ROBO1: variants seen among roughly 807,000 people sequenced by gnomAD.
ROBO1 encodes roundabout homolog 1.
In ROBO1, 149 loss-of-function variants were observed where a neutral mutation model predicts 195.9. That is an observed-to-expected ratio of 0.76 (90% confidence interval 0.67 to 0.87). ROBO1 has a LOEUF of 0.87. ROBO1 is among the 40% of genes least tolerant of loss of function. The pLI, the probability that ROBO1 is intolerant of heterozygous loss-of-function variation, is 0.00. For missense variants in ROBO1, 1,933 were observed against 2,068.3 expected, an observed-to-expected ratio of 0.93 and a Z score of 1.27; for synonymous variants, 816 against 733.2, an observed-to-expected ratio of 1.11 and a Z score of -1.82.
intron 3 of ROBO1, 30 bp from the exon 4 acceptor site, chr3:78,938,957 A>G (rs749994870): frequency 1.3e-6 from 2 of 1,551,290 alleles, no homozygotes; most frequent in South Asian, 1.2e-5. Flanking sequence ...ATATCTTCGT[A>G]TATCACTTGA....
rs376279972 is a variant in ROBO1, at chr3:79,660,994, C to T, written c.-50-71033G>A. 1.1e-4 allele frequency among the ~76,000 whole-genome samples: 17 copies of T among 152,226 alleles called. No individual in the cohort carries two copies. The South Asian group carries it at 2.9e-3, about 26-fold the overall frequency. ...GCCTTCTAATTTCCCTCTTGGAAGA[C>T]AGCCCCTCAGAAATCCTAAAGGGCC... On this transcript the variant is annotated intron_variant, in intron 1 of 30. Transcript: ENST00000464233.
intron 3 of ROBO1, among the ~76,000 whole-genome samples, chr3:79,071,088 ACT>A (rs1394286766): frequency 2.0e-5 from 3 of 151,314 alleles, no homozygotes; most frequent in Non-Finnish European, 4.4e-5. Flanking sequence ...TTTAACATCT[ACT>A]CTCTCAGCAA....
intron 4 of ROBO1, among the ~76,000 whole-genome samples, chr3:78,884,016 T>C (rs2036347917): frequency 6.6e-6 from 1 of 152,152 alleles, no homozygotes; most frequent in Non-Finnish European, 1.5e-5. Context: ...AGTTTTGGAC[T>C]GCAAGTGAAC....
At chr3:79,237,873 A>C (rs2082442369) in intron 2 of ROBO1, among the ~76,000 whole-genome samples, 2 of 152,210 alleles carry the variant, frequency 1.3e-5, no homozygotes, top group Non-Finnish European at 2.9e-5. Context: ...AATTATGACC[A>C]AAAAGGAACA....
chr3:79,323,255 T>C (rs2109137532), intron 2 of ROBO1, among the ~76,000 whole-genome samples: 1 of 152,226 alleles, frequency 6.6e-6, no homozygotes, highest in South Asian at 2.1e-4. Flanking sequence ...CTAATTTTTG[T>C]ATTTTTAGTA....
At chr3:78,803,897 A>G (rs1209041229) in intron 4 of ROBO1, among the ~76,000 whole-genome samples, 4 of 152,196 alleles carry the variant, frequency 2.6e-5, no homozygotes, top group African/African-American at 9.6e-5. Context: ...ATGTATGTGT[A>G]TATTATAAAA....
intron 2 of ROBO1, among the ~76,000 whole-genome samples, chr3:79,518,290 T>C (rs1188383042): frequency 6.6e-6 from 1 of 151,496 alleles, no homozygotes; most frequent in East Asian, 1.9e-4. Context: ...GGGTAAGGCA[T>C]GTTAAGAAGA....
intron 9 of ROBO1, among the ~76,000 whole-genome samples, chr3:78,686,747 A>T (rs2081061012): frequency 6.6e-6 from 1 of 152,190 alleles, no homozygotes; most frequent in Non-Finnish European, 1.5e-5. Flanking sequence ...TTGGCACCAC[A>T]ATAAGCATCT....
At chr3:79,184,635 T>C (rs1009577379) in intron 2 of ROBO1, among the ~76,000 whole-genome samples, 5 of 152,062 alleles carry the variant, frequency 3.3e-5, no homozygotes, top group African/African-American at 9.7e-5. Flanking sequence ...ATGACCAAGA[T>C]TGGGGAAGAG....
At chr3:78,998,946 G>A (rs2077431559) in intron 3 of ROBO1, among the ~76,000 whole-genome samples, 1 of 151,848 alleles carries the variant, frequency 6.6e-6, no homozygotes. Context: ...ATATACAAGT[G>A]GCCAGGAAAA....
chr3:79,195,299 A>G (rs1183710376), intron 2 of ROBO1, among the ~76,000 whole-genome samples: 1 of 151,740 alleles, frequency 6.6e-6, no homozygotes, highest in Non-Finnish European at 1.5e-5. Flanking sequence ...GTATTCAGTT[A>G]TCAGTAGCTG....
chr3:79,696,674 A>G (rs1410492085), intron 1 of ROBO1, among the ~76,000 whole-genome samples: 3 of 151,428 alleles, frequency 2.0e-5, no homozygotes, highest in Admixed American at 6.6e-5. Flanking sequence ...AGGCAGAGGT[A>G]AAAGAAAATG....
At chr3:79,026,953 A>T (rs1180282752) in intron 3 of ROBO1, among the ~76,000 whole-genome samples, 1 of 152,026 alleles carries the variant, frequency 6.6e-6, no homozygotes, top group Non-Finnish European at 1.5e-5. Context: ...ATTGACATAC[A>T]TATGTTGGGA....
chr3:79,222,338 T>A lies in ROBO1; in HGVS notation c.89-96799A>T, dbSNP rs186710155. Among the ~76,000 whole-genome samples the A allele has an allele frequency of 2.3e-3, 348 of 152,194 alleles. 3 individuals carry two copies. The highest frequency in any genetic ancestry group is 3.8e-3 in the Non-Finnish European group (257 of 67,960). On this transcript the variant is annotated intron_variant, in intron 2 of 30. Coordinates refer to ENST00000464233, the MANE Select transcript of ROBO1 (RefSeq NM_002941.4). ...AGTCTCAGTTCTTTCATGGGGCAAA[T>A]GAAGTTGCCTCTTATATTTCTTATA...
chr3:79,179,847 G>A (rs1358050338), intron 2 of ROBO1, among the ~76,000 whole-genome samples: 1 of 152,168 alleles, frequency 6.6e-6, no homozygotes, highest in African/African-American at 2.4e-5. Flanking sequence ...AGTTGATCTT[G>A]AATTGGAGTA....
chr3:79,634,336 G>A (rs1945434043), intron 1 of ROBO1, among the ~76,000 whole-genome samples: 1 of 152,154 alleles, frequency 6.6e-6, no homozygotes, highest in Non-Finnish European at 1.5e-5. Context: ...CCAGCACCAT[G>A]CAGCTTCCAG....
At chr3:79,150,261 TC>T (rs1189501190) in intron 2 of ROBO1, among the ~76,000 whole-genome samples, 1 of 151,636 alleles carries the variant, frequency 6.6e-6, no homozygotes, top group Non-Finnish European at 1.5e-5. Context: ...TTTTTTTTTT[TC>T]AGTTTTTACT....
At chr3:78,953,087 A>G (rs947166452) in intron 3 of ROBO1, among the ~76,000 whole-genome samples, 8 of 152,074 alleles carry the variant, frequency 5.3e-5, no homozygotes, top group African/African-American at 1.9e-4. Context: ...TACATTTTAG[A>G]AAGAATTTTG....
intron 25 of ROBO1, among the ~76,000 whole-genome samples, chr3:78,630,618 A>C (rs1027806547): frequency 5.3e-5 from 8 of 152,192 alleles, no homozygotes; most frequent in African/African-American, 1.9e-4. Context: ...CCAGTTCTAC[A>C]GATTCTGGAG....
Sources: allele counts gnomAD v4.1 joint callset (sites outside exome capture counted in the v4.1 genomes callset), GRCh38; gene constraint gnomAD v4.1.1; transcripts MANE v1.5; gene names NCBI Gene and HGNC (gene_info 2026-07-23, HGNC 2026-07-21).